Variants in SPANXN2 observed in about 807,000 individuals in gnomAD.
The protein encoded by SPANXN2 is SPANX family member N2, also known as sperm protein associated with the nucleus on the X chromosome N2.
In SPANXN2, 1 loss-of-function variant was observed where a neutral mutation model predicts 2.0. The observed-to-expected ratio is 0.50, with a 90% CI of 0.18 to 2.36. SPANXN2 has a LOEUF of 2.36. SPANXN2 is among the 30% of genes most tolerant of loss of function. The pLI is 0.26. For missense variants in SPANXN2, 88 were observed against 116.7 expected (o/e 0.75, Z 1.13); for synonymous variants, 43 against 49.8 (o/e 0.86, Z 0.58).
chrX:143,719,901 C>G (rs868910794), intron 1 of SPANXN2, among the ~76,000 whole-genome samples: 2 of 109,793 alleles, frequency 1.8e-5, no homozygotes, highest in African/African-American at 6.7e-5. Flanking sequence ...CCTTCATATC[C>G]TGCTTTATCT....
At chrX:143,712,712 G>A (rs1176162282) in intron 1 of SPANXN2, among the ~76,000 whole-genome samples, 15 of 111,155 alleles carry the variant, frequency 1.3e-4, no homozygotes, top group African/African-American at 2.9e-4. Flanking sequence ...GCACGATTTC[G>A]CAAGTTCTTT....
chrX:143,716,050 G>A (rs1184176810), intron 1 of SPANXN2, among the ~76,000 whole-genome samples: 8 of 110,990 alleles, frequency 7.2e-5, no homozygotes, highest in South Asian at 3.9e-4. Flanking sequence ...GAGGGGTTCC[G>A]GGATAGGCCC....
rs1932179365 is a variant in SPANXN2 at position 143,712,425 on chromosome X, T to C, written c.153A>G (p.Thr51=). The C allele has an allele frequency of 7.4e-6, 9 of 1,212,319 alleles. No individual in the cohort carries two copies. In the East Asian group the frequency reaches 2.7e-4, roughly 36 times the overall value. Residue 51 remains threonine, a synonymous_variant, in exon 2 of 2, where the codon ACA becomes ACG. Coordinates refer to ENST00000598475, the Ensembl canonical transcript of SPANXN2. ...GCTTCCTGTAGTAATACACTATTAT[T>C]GTTAGATATTCTATTGTTTTTGTCT...
intron 1 of SPANXN2, among the ~76,000 whole-genome samples, chrX:143,719,835 TC>T (rs1158121538): frequency 9.1e-6 from 1 of 110,162 alleles, no homozygotes; most frequent in African/African-American, 3.3e-5. Context: ...GTGGTCCCTT[TC>T]TTAGGGCCGT....
chrX:143,719,959 G>C (rs1489150633), intron 1 of SPANXN2, among the ~76,000 whole-genome samples: 2 of 110,146 alleles, frequency 1.8e-5, no homozygotes, highest in Non-Finnish European at 3.8e-5. Flanking sequence ...GCAACACATT[G>C]ATACCATCCT....
At chrX:143,719,159 A>C (rs1932318287) in intron 1 of SPANXN2, among the ~76,000 whole-genome samples, 1 of 110,616 alleles carries the variant, frequency 9.0e-6, no homozygotes, top group Non-Finnish European at 1.9e-5. Flanking sequence ...ACCGTCACAC[A>C]CAGGGCTGTC....
chrX:143,719,048 C>A (rs782558951), intron 1 of SPANXN2, among the ~76,000 whole-genome samples: 1 of 111,399 alleles, frequency 9.0e-6, no homozygotes, highest in African/African-American at 3.3e-5. Context: ...CCAAAATAAA[C>A]CTGCATTTCA....
chrX:143,712,003 G>C, exon 2 of SPANXN2: 1 of 1,211,382 alleles, frequency 8.3e-7, no homozygotes, highest in Non-Finnish European at 1.1e-6. Context: ...TTGGTAGTGA[G>C]GATTTGTCCA....
chrX:143,719,963 C>T (rs782459756), intron 1 of SPANXN2, among the ~76,000 whole-genome samples: 2 of 110,668 alleles, frequency 1.8e-5, no homozygotes, highest in South Asian at 7.9e-4. Flanking sequence ...CACATTGATA[C>T]CATCCTTCTC....
chrX:143,716,846 G>T (rs188867194), intron 1 of SPANXN2, among the ~76,000 whole-genome samples: 32 of 111,805 alleles, frequency 2.9e-4, no homozygotes, highest in African/African-American at 8.5e-4. Context: ...CCTGCTTACA[G>T]CAGGTGCATG....
chrX:143,720,563 C>A (rs782196966), intron 1 of SPANXN2, 28 bp downstream of exon 1: 2 of 1,200,572 alleles, frequency 1.7e-6, no homozygotes, highest in East Asian at 5.9e-5. Flanking sequence ...TTCACCCTCA[C>A]CTTCCCTTCA....
intron 1 of SPANXN2, among the ~76,000 whole-genome samples, chrX:143,712,801 A>T (rs1373132198): frequency 8.1e-5 from 9 of 111,800 alleles, no homozygotes; most frequent in Non-Finnish European, 1.1e-4. Context: ...TAACCACCTG[A>T]CCACAGGGCG....
At chrX:143,714,161 C>T (rs1293818194) in intron 1 of SPANXN2, among the ~76,000 whole-genome samples, 2 of 110,069 alleles carry the variant, frequency 1.8e-5, no homozygotes, top group Non-Finnish European at 3.8e-5. Flanking sequence ...GTCTCACACC[C>T]AACCCCCTTT....
At chrX:143,715,957 T>C (rs1932255242) in intron 1 of SPANXN2, among the ~76,000 whole-genome samples, 1 of 111,612 alleles carries the variant, frequency 9.0e-6, no homozygotes, top group South Asian at 3.8e-4. Flanking sequence ...TCTTTTTGCT[T>C]TGACTTGGTC....
At position 143,720,654 on chromosome X, in the gene SPANXN2, A is replaced by G. The variant is rs782138837; in HGVS notation, c.15T>C (p.Thr5=). Reference sequence around the variant, plus strand: ...TCCTCTTCTCCCCATTGGTGCTTGAAGTCGGCTGTTCCATGATTCTGCTTG... The same window carrying G: ...TCCTCTTCTCCCCATTGGTGCTTGAGGTCGGCTGTTCCATGATTCTGCTTG... The change falls in exon 1 of 2, where the codon ACT becomes ACC. Residue 5 remains threonine, a synonymous_variant. Coordinates refer to ENST00000598475, the Ensembl canonical transcript of SPANXN2. 43 of 1,208,804 alleles carry G rather than the reference A, an allele frequency of 3.6e-5. No homozygotes were observed. The East Asian group carries it at 9.5e-4, about 27-fold the overall frequency.
At chrX:143,716,795 G>A (rs1391016612) in intron 1 of SPANXN2, among the ~76,000 whole-genome samples, 1 of 111,817 alleles carries the variant, frequency 8.9e-6, no homozygotes, top group Admixed American at 9.5e-5. Flanking sequence ...ATTATCTACA[G>A]GACCTCATAA....
chrX:143,716,192 G>A (rs1456825135), intron 1 of SPANXN2, among the ~76,000 whole-genome samples: 1 of 110,596 alleles, frequency 9.0e-6, no homozygotes, highest in Non-Finnish European at 1.9e-5. Context: ...ACACCACTCA[G>A]GTTTTAAACT....
At chrX:143,718,445 C>T (rs367763127) in intron 1 of SPANXN2, among the ~76,000 whole-genome samples, 3 of 111,792 alleles carry the variant, frequency 2.7e-5, no homozygotes, top group Admixed American at 1.9e-4. Flanking sequence ...TCCTCCCCCG[C>T]TCTCCAACCT....
chrX:143,716,327 A>G (rs851103), intron 1 of SPANXN2, among the ~76,000 whole-genome samples: 40,828 of 109,316 alleles, frequency 0.37, 5,743 homozygotes, highest in Non-Finnish European at 0.44. Flanking sequence ...AAAGGAGCCA[A>G]TTTGGGACAT....
Sources: gnomAD v4.1 joint callset for allele counts (sites outside exome capture counted in the v4.1 genomes callset) on GRCh38, gnomAD v4.1.1 for gene constraint, MANE v1.5 for transcripts, NCBI Gene and HGNC (gene_info 2026-07-23, HGNC 2026-07-21) for gene names.